HSPA2: variants seen among roughly 807,000 people sequenced by gnomAD.
HSPA2 encodes the protein heat shock-related 70 kDa protein 2.
HSPA2 carries 13 observed loss-of-function variants against 35.0 expected under a neutral mutation model. That is an observed-to-expected ratio of 0.37 (90% CI 0.24 to 0.59). HSPA2 has a LOEUF of 0.59. Ranked by LOEUF, HSPA2 falls within the 20% of genes least tolerant of loss-of-function variation. The probability of loss-of-function intolerance (pLI) is 0.70; values close to 1 mark genes in which losing one functional copy is unlikely to be tolerated. For missense variants in HSPA2, 565 were observed against 885.4 expected (o/e 0.64, Z 4.59); for synonymous variants, 368 against 382.1 (o/e 0.96, Z 0.43).
At position 64,542,301 on chromosome 14, in the gene HSPA2, C is replaced by T. The variant is rs780416765; in HGVS notation, c.1452C>T (p.Asp484=). ...AAATCGAGGTTACCTTCGACATTGA[C>T]GCCAATGGCATCCTTAACGTTACCG... ...VPQIEVTFDI[D]ANGILNVTAA... The change falls in exon 1 of 1, where the codon GAC becomes GAT. Residue 484 remains aspartate, a synonymous_variant. Transcript: ENST00000247207. This position sits in a 1 kb window ranked among gnomAD's most constrained non-coding sequence, Gnocchi z 5.7. 13 of 1,614,028 alleles carry T rather than the reference C, an allele frequency of 8.1e-6. No individual in the cohort carries two copies. The highest frequency in any genetic ancestry group is 6.7e-5 in the East Asian group (3 of 44,846).
chr14:64,541,791 C>T lies in HSPA2; in HGVS notation c.942C>T (p.Arg314=), dbSNP rs1421973304. 1.2e-6 allele frequency: 2 copies of T among 1,613,238 alleles called. No homozygotes were observed. The highest frequency in any genetic ancestry group is 1.7e-6 in the Non-Finnish European group (2 of 1,180,010). The change falls in exon 1 of 1, where the codon CGC becomes CGT. Residue 314 remains arginine, a synonymous_variant. Transcript: ENST00000247207. The part of the protein sequence containing the change: ...RFEELNADLF[R]GTLEPVEKAL... ...AGGAGCTCAATGCCGACCTCTTTCG[C>T]GGGACCCTGGAGCCGGTGGAGAAGG...
chr14:64,538,077 T>C (rs929348518), upstream of HSPA2, among the ~76,000 whole-genome samples: 7 of 152,176 alleles, frequency 4.6e-5, no homozygotes, highest in Non-Finnish European at 1.0e-4. Context: ...TTCAAATTCA[T>C]GGAAAAGAGG....
Position 64,542,579 on chromosome 14 carries a change from G to A in HSPA2, c.1730G>A (p.Cys577Tyr), listed in dbSNP as rs772209687. Reference protein sequence around the residue: ...EQDKNKILDKCQEVINWLDRN... With the variant: ...EQDKNKILDKYQEVINWLDRN... ...GACAAAAACAAGATCCTCGACAAGT[G>A]TCAGGAGGTGATCAACTGGCTCGAC... Residue 577 changes from cysteine (C) to tyrosine (Y), a missense_variant, in exon 1 of 1, where the codon TGT becomes TAT. Transcript: ENST00000247207. The surrounding 1 kb of genome is among the most constrained non-coding windows in gnomAD (Gnocchi z 5.7). The A allele has an allele frequency of 1.2e-6, 2 of 1,613,726 alleles. No individual in the cohort carries two copies. The highest frequency in any genetic ancestry group is 2.2e-5 in the East Asian group (1 of 44,830).
In HSPA2 at chr14:64,541,415, A is replaced by C; in HGVS notation, c.566A>C (p.Lys189Thr). ...AAAIAYGLDK[K>T]GCAGGEKNVL... ...GCCATCGCCTACGGCCTGGACAAGA[A>C]GGGCTGCGCGGGCGGCGAGAAGAAC... Residue 189 changes from lysine (K) to threonine (T), a missense_variant, in exon 1 of 1, where the codon AAG (lysine) becomes ACG (threonine). Lys to Thr is a moderately conservative substitution (Grantham distance 78). Around this residue, in one of 4 missense-constraint regions of HSPA2, gnomAD observed 183 missense variants for 281.6 expected, o/e 0.65. Coordinates refer to ENST00000247207, the MANE Select transcript of HSPA2 (RefSeq NM_021979.4). The C allele has an allele frequency of 6.2e-7, 1 of 1,613,580 alleles. No homozygotes were observed.
chr14:64,540,766 T>A lies in HSPA2; in HGVS notation c.-84T>A. 3 of 1,561,116 alleles carry A rather than the reference T, an allele frequency of 1.9e-6. No homozygotes were observed. The highest frequency in any genetic ancestry group is 1.7e-6 in the Non-Finnish European group (2 of 1,153,034). On this transcript the variant is annotated 5_prime_UTR_variant, in exon 1 of 1. It adds an upstream start codon to the 5' untranslated region. Transcript: ENST00000247207. ...GAGTTGCTGGTAGTGCCCGTGGTGC[T>A]TGGTTCGAGGTGGCCGTTAGTTGAC...
Position 64,540,782 on chromosome 14 carries a change from G to A in HSPA2, c.-68G>A. The stretch of plus-strand genomic sequence containing the variant: ...CCGTGGTGCTTGGTTCGAGGTGGCC[G>A]TTAGTTGACTCCGCGGAGTTCATCT... On this transcript the variant is annotated 5_prime_UTR_variant, in exon 1 of 1. Transcript: ENST00000247207. 3 of 1,580,826 alleles carry A rather than the reference G, an allele frequency of 1.9e-6. No homozygotes were observed. Among genetic ancestry groups the A allele is most frequent in the Non-Finnish European group, 2.6e-6 (3 of 1,162,440 alleles).
chr14:64,537,597 A>AC, upstream of HSPA2, among the ~76,000 whole-genome samples: 1 of 146,166 alleles, frequency 6.8e-6, no homozygotes, highest in South Asian at 2.2e-4. Flanking sequence ...CCAAACAAAT[A>AC]CCCCCCACCC....
rs1566643667 is a variant in HSPA2 at position 64,543,163 on chromosome 14, TG to T, written c.*395del. 2 of 229,206 alleles carry T rather than the reference TG, an allele frequency of 8.7e-6. No individual in the cohort carries two copies. Among genetic ancestry groups the T allele is most frequent in the East Asian group, 2.7e-4 (2 of 7,426 alleles). 14.2% of individuals were successfully genotyped at this position (229,206 alleles called of 1,614,324 possible). ...AAAACTAAACTGAACATTGCAGTAA[TG>T]TTAAGGACAGGTATACTTTTTGCAA... On this transcript the variant is annotated 3_prime_UTR_variant, in exon 1 of 1. Coordinates refer to ENST00000247207, the MANE Select transcript of HSPA2 (RefSeq NM_021979.4).
Position 64,540,928 on chromosome 14 carries a change from G to A in HSPA2, c.79G>A (p.Val27Met). The change falls in exon 1 of 1, where the codon GTG becomes ATG. Residue 27 changes from valine (V) to methionine (M), a missense_variant. Physicochemically the swap from Val to Met is conservative, Grantham distance 21. Around this residue, in one of 4 missense-constraint regions of HSPA2, gnomAD observed 183 missense variants for 281.6 expected, o/e 0.65. Transcript: ENST00000247207. Reference protein sequence around the residue: ...SCVGVFQHGKVEIIANDQGNR... With the variant: ...SCVGVFQHGKMEIIANDQGNR... ...CGTCGGGGTCTTCCAACATGGCAAG[G>A]TGGAGATCATCGCCAACGACCAGGG... The A allele has an allele frequency of 6.2e-7, 1 of 1,614,172 alleles. No homozygotes were observed. The highest frequency in any genetic ancestry group is 8.5e-7 in the Non-Finnish European group (1 of 1,180,048).
At position 64,542,816 on chromosome 14, in the gene HSPA2, C is replaced by CTTTT; in HGVS notation, c.*53_*56dup. 1 of 1,393,238 alleles carries CTTTT rather than the reference C, an allele frequency of 7.2e-7. No homozygotes were observed. Among genetic ancestry groups the CTTTT allele is most frequent in the South Asian group, 1.5e-5 (1 of 67,496 alleles). The allele number at this position is 1,393,238 out of a possible 1,614,324, so 86.3% of individuals were successfully genotyped here. A position where few individuals can be genotyped will look rare whatever the true frequency, so the allele number is the denominator to read the frequency against. ...AACCTCTTTGCCTTTCTCTCTCTCT[C>CTTTT]TTTTTTTTTGTTTGTTTCTTTGAAA... On this transcript the variant is annotated 3_prime_UTR_variant, in exon 1 of 1. Coordinates refer to ENST00000247207, the MANE Select transcript of HSPA2 (RefSeq NM_021979.4). This position sits in a 1 kb window ranked among gnomAD's most constrained non-coding sequence, Gnocchi z 5.7.
At position 64,542,417 on chromosome 14, in the gene HSPA2, A is replaced by G. The variant is rs146374519; in HGVS notation, c.1568A>G (p.Gln523Arg). The G allele has an allele frequency of 4.5e-4, 727 of 1,613,952 alleles. 5 individuals carry two copies. Among genetic ancestry groups the G allele is most frequent in the Non-Finnish European group, 5.6e-4 (664 of 1,180,000 alleles). ...AAGGACGACATTGACCGGATGGTGC[A>G]GGAGGCGGAGCGGTACAAATCGGAA... ...LSKDDIDRMV[Q>R]EAERYKSEDE... is the part of the protein sequence containing the mutation. The change falls in exon 1 of 1, where the codon CAG becomes CGG. Residue 523 changes from glutamine to arginine, a missense_variant. Gln to Arg is a conservative substitution (Grantham distance 43). Around this residue, in one of 4 missense-constraint regions of HSPA2, gnomAD observed 147 missense variants for 166.7 expected, o/e 0.88. Coordinates refer to ENST00000247207, the MANE Select transcript of HSPA2 (RefSeq NM_021979.4). This position sits in a 1 kb window ranked among gnomAD's most constrained non-coding sequence, Gnocchi z 5.7.
At position 64,543,027 on chromosome 14, in the gene HSPA2, A is replaced by G; in HGVS notation, c.*258A>G. The G allele has an allele frequency of 5.2e-6, 3 of 576,632 alleles. No individual in the cohort carries two copies. The highest frequency in any genetic ancestry group is 3.3e-5 in the East Asian group (1 of 29,914). The allele number at this position is 576,632 out of a possible 1,614,324, so 35.7% of individuals were successfully genotyped here. On this transcript the variant is annotated 3_prime_UTR_variant, in exon 1 of 1. Coordinates refer to ENST00000247207, the MANE Select transcript of HSPA2 (RefSeq NM_021979.4). Reference sequence around the variant, plus strand: ...TTGAGCATTTTTGATTAGTTCGTGCATGGAGATTTGTTTGAGATGAGAAAC... The same window carrying G: ...TTGAGCATTTTTGATTAGTTCGTGCGTGGAGATTTGTTTGAGATGAGAAAC...
upstream of HSPA2, among the ~76,000 whole-genome samples, chr14:64,537,211 C>T (rs138989120): frequency 2.2e-3 from 334 of 151,694 alleles, 1 homozygote; most frequent in African/African-American, 7.6e-3. Flanking sequence ...ATATGCATTG[C>T]TTCCAGCCCA....
chr14:64,538,938 T>G (rs1462260417), upstream of HSPA2, among the ~76,000 whole-genome samples: 1 of 152,208 alleles, frequency 6.6e-6, no homozygotes, highest in Non-Finnish European at 1.5e-5. Flanking sequence ...CTCGAGTAGC[T>G]GGGACTACAG....
upstream of HSPA2, among the ~76,000 whole-genome samples, chr14:64,538,554 G>C (rs2079997210): frequency 2.6e-5 from 4 of 152,178 alleles, no homozygotes; most frequent in Admixed American, 2.6e-4. Context: ...GCGAACTTCA[G>C]CTCCCGGATT....
Position 64,541,006 on chromosome 14 carries a change from G to A in HSPA2, c.157G>A (p.Gly53Ser). 6.2e-7 allele frequency: 1 copy of A among 1,614,148 alleles called. No individual in the cohort carries two copies. Among genetic ancestry groups the A allele is most frequent in the South Asian group, 1.1e-5 (1 of 91,080 alleles). ...VAFTDTERLI[G>S]DAAKNQVAMN... ...CTTCACGGACACCGAGCGCCTCATC[G>A]GCGACGCCGCCAAGAACCAGGTGGC... Residue 53 changes from glycine to serine, a missense_variant, in exon 1 of 1, where the codon GGC (glycine) becomes AGC (serine). Transcript: ENST00000247207.
rs187804076 is a variant in HSPA2, at chr14:64,542,594, A to G, written c.1745A>G (p.Asn582Ser). ...KILDKCQEVI[N>S]WLDRNQMAEK... ...CTCGACAAGTGTCAGGAGGTGATCA[A>G]CTGGCTCGACCGAAACCAGATGGCA... Residue 582 changes from asparagine to serine, a missense_variant, in exon 1 of 1, where the codon AAC (asparagine) becomes AGC (serine). Coordinates refer to ENST00000247207, the MANE Select transcript of HSPA2 (RefSeq NM_021979.4). This position sits in a 1 kb window ranked among gnomAD's most constrained non-coding sequence, Gnocchi z 5.7. 6.8e-6 allele frequency: 11 copies of G among 1,613,886 alleles called. No homozygotes were observed. The highest frequency in any genetic ancestry group is 5.0e-5 in the Admixed American group (3 of 59,986).
chr14:64,542,638 C>A lies in HSPA2; in HGVS notation c.1789C>A (p.His597Asn). ...GATGGCAGAGAAAGATGAGTATGAA[C>A]ACAAGCAGAAAGAGCTCGAAAGAGT... ...NQMAEKDEYE[H>N]KQKELERVCN... The change falls in exon 1 of 1, where the codon CAC becomes AAC. Residue 597 changes from histidine to asparagine, a missense_variant. Around this residue, in one of 4 missense-constraint regions of HSPA2, gnomAD observed 147 missense variants for 166.7 expected, o/e 0.88. Coordinates refer to ENST00000247207, the MANE Select transcript of HSPA2 (RefSeq NM_021979.4). This position sits in a 1 kb window ranked among gnomAD's most constrained non-coding sequence, Gnocchi z 5.7. The A allele has an allele frequency of 6.2e-7, 1 of 1,613,922 alleles. No homozygotes were observed. The highest frequency in any genetic ancestry group is 1.6e-4 in the Middle Eastern group (1 of 6,062).
chr14:64,537,738 T>A (rs2079990279), upstream of HSPA2, among the ~76,000 whole-genome samples: 1 of 145,900 alleles, frequency 6.9e-6, no homozygotes, highest in African/African-American at 2.5e-5. Context: ...TCTTTTTCTT[T>A]TTTTTTTTAG....
Sources: allele counts gnomAD v4.1 joint callset (sites outside exome capture counted in the v4.1 genomes callset), GRCh38; gene constraint gnomAD v4.1.1; regional missense constraint gnomAD v4.1.1; non-coding constraint Gnocchi (gnomAD v3.1); transcripts MANE v1.5; gene names NCBI Gene and HGNC (gene_info 2026-07-23, HGNC 2026-07-21).